MTMR14: variants seen among roughly 807,000 people sequenced by gnomAD.
The protein encoded by MTMR14 is myotubularin related protein 14, also known as phosphatidylinositol-3,5-bisphosphate 3-phosphatase MTMR14.
A neutral mutation model predicts 86.3 loss-of-function variants in MTMR14; 48 were observed. The ratio of observed to expected loss-of-function variants is 0.56; its 90% CI spans 0.44 to 0.71. The LOEUF (loss-of-function observed/expected upper bound fraction) is 0.71. MTMR14 is among the 30% of genes least tolerant of loss of function. The pLI, the probability that MTMR14 is intolerant of heterozygous loss-of-function variation, is 0.00. For synonymous variants in MTMR14, 366 were observed against 326.1 expected (o/e 1.12, Z -1.32); for missense variants, 780 against 834.6 (o/e 0.93, Z 0.81).
At position 9,684,884 on chromosome 3, in the gene MTMR14, C is replaced by T. The variant is rs2075887286; in HGVS notation, c.1051-4C>T. ...TCTGTCACATCTCCTGTGGTCTCTT[C>T]CAGGATGGGCTCATCCACACGTCCC... is the stretch of plus-strand genomic sequence containing the variant. On this transcript the variant is annotated splice_polypyrimidine_tract_variant and splice_region_variant and intron_variant, in intron 11 of 18. Coordinates refer to ENST00000296003, the MANE Select transcript of MTMR14 (RefSeq NM_001077525.3). 6.2e-7 allele frequency: 1 copy of T among 1,613,918 alleles called. No homozygotes were observed. The highest frequency in any genetic ancestry group is 8.5e-7 in the Non-Finnish European group (1 of 1,179,914).
intron 5 of MTMR14, among the ~76,000 whole-genome samples, chr3:9,669,932 G>C (rs1269832228): frequency 1.3e-5 from 2 of 152,178 alleles, no homozygotes; most frequent in Non-Finnish European, 2.9e-5. Flanking sequence ...GTCTAGCCTG[G>C]AAGGCACATT....
chr3:9,664,751 G>C (rs540165373), intron 3 of MTMR14, among the ~76,000 whole-genome samples: 31 of 152,150 alleles, frequency 2.0e-4, no homozygotes, highest in African/African-American at 6.5e-4. Flanking sequence ...CCAGAGACTA[G>C]GAAAGGGTTC....
intron 2 of MTMR14, among the ~76,000 whole-genome samples, chr3:9,655,082 G>A (rs1000915527): frequency 6.6e-6 from 1 of 152,138 alleles, no homozygotes; most frequent in Non-Finnish European, 1.5e-5. Flanking sequence ...CACTTACTAA[G>A]ATTATGGATT....
At chr3:9,690,630 GC>G (rs2076109528) in intron 17 of MTMR14, among the ~76,000 whole-genome samples, 1 of 152,352 alleles carries the variant, frequency 6.6e-6, no homozygotes, top group Middle Eastern at 3.4e-3. Flanking sequence ...AGCCAGGATG[GC>G]CATGCCAGGG....
rs1189927831 is a variant in MTMR14, at chr3:9,688,998, T to C, written c.1349T>C (p.Met450Thr). The C allele has an allele frequency of 1.2e-6, 2 of 1,613,858 alleles. No homozygotes were observed. Among genetic ancestry groups the C allele is most frequent in the Non-Finnish European group, 1.7e-6 (2 of 1,180,010 alleles). The change falls in exon 16 of 19, where the codon ATG (methionine) becomes ACG (threonine). Residue 450 changes from methionine (M) to threonine (T), a missense_variant. Coordinates refer to ENST00000296003, the MANE Select transcript of MTMR14 (RefSeq NM_001077525.3). ...CTTGGCAGCGACTTCTCCCTGGTCA[T>C]GGAGAGTTCCCCAGGAGCCACTGGG... ...TSLGSDFSLVMESSPGATGSF... is the reference protein window; with the variant it reads ...TSLGSDFSLVTESSPGATGSF...
At chr3:9,669,702 A>G (rs1247667933) in intron 5 of MTMR14, among the ~76,000 whole-genome samples, 2 of 152,184 alleles carry the variant, frequency 1.3e-5, no homozygotes, top group Non-Finnish European at 2.9e-5. Flanking sequence ...GTCTGTCCCC[A>G]TCTTGACTGC....
chr3:9,697,473 T>C (rs983202293), intron 17 of MTMR14, among the ~76,000 whole-genome samples: 20 of 152,208 alleles, frequency 1.3e-4, no homozygotes, highest in African/African-American at 4.6e-4. Flanking sequence ...TTTGTTCTCA[T>C]TTTTTGCTTC....
intron 1 of MTMR14, 130 bp downstream of exon 1, chr3:9,649,872 G>A (rs1024981044): frequency 3.3e-6 from 5 of 1,531,188 alleles, no homozygotes; most frequent in Admixed American, 2.0e-5. Flanking sequence ...AGAGAGAGAG[G>A]AGTTCTCCAG....
At chr3:9,655,078 C>G (rs992289541) in intron 2 of MTMR14, among the ~76,000 whole-genome samples, 1 of 152,120 alleles carries the variant, frequency 6.6e-6, no homozygotes, top group Non-Finnish European at 1.5e-5. Flanking sequence ...TAAGCACTTA[C>G]TAAGATTATG....
chr3:9,651,172 A>G (rs2047264670), intron 1 of MTMR14, among the ~76,000 whole-genome samples: 1 of 151,714 alleles, frequency 6.6e-6, no homozygotes, highest in Non-Finnish European at 1.5e-5. Flanking sequence ...TGCAACCATG[A>G]CTTACTGCAG....
chr3:9,695,846 G>C (rs2076267204), intron 17 of MTMR14, among the ~76,000 whole-genome samples: 1 of 152,230 alleles, frequency 6.6e-6, no homozygotes, highest in Non-Finnish European at 1.5e-5. Context: ...ATGCATCTCA[G>C]GGTTGTGCCG....
chr3:9,698,128 T>C (rs2076340603), intron 18 of MTMR14, among the ~76,000 whole-genome samples: 1 of 152,254 alleles, frequency 6.6e-6, no homozygotes, highest in African/African-American at 2.4e-5. Context: ...GCTGCTGGAC[T>C]GTAACTATAG....
chr3:9,656,055 T>C (rs1269940530), intron 2 of MTMR14, among the ~76,000 whole-genome samples: 1 of 151,588 alleles, frequency 6.6e-6, no homozygotes, highest in East Asian at 2.0e-4. Context: ...ATTAGCTGGG[T>C]GTGGTGGCGC....
At chr3:9,680,475 A>G (rs1004078194) in intron 9 of MTMR14, among the ~76,000 whole-genome samples, 2 of 152,220 alleles carry the variant, frequency 1.3e-5, no homozygotes, top group Admixed American at 6.5e-5. Context: ...TCCTCAGAAT[A>G]CAATGCAAGA....
intron 3 of MTMR14, among the ~76,000 whole-genome samples, chr3:9,662,759 T>C (rs2048013735): frequency 6.6e-6 from 1 of 152,262 alleles, no homozygotes; most frequent in South Asian, 2.1e-4. Context: ...CTTTCAATTA[T>C]ATAATTCACC....
At chr3:9,655,980 A>C (rs1046442275) in intron 2 of MTMR14, among the ~76,000 whole-genome samples, 7 of 151,822 alleles carry the variant, frequency 4.6e-5, no homozygotes, top group South Asian at 2.1e-4. Flanking sequence ...CAAGATCATG[A>C]GGTCAGGAGA....
intron 3 of MTMR14, among the ~76,000 whole-genome samples, chr3:9,663,501 CTTTTTTTTTTTT>C (rs4021721): frequency 2.9e-5 from 2 of 69,964 alleles, no homozygotes; most frequent in Non-Finnish European, 5.8e-5. Context: ...GAGTCTCTCT[CTTTTTTTTTTTT>C]TTTTTTTTTT....
intron 6 of MTMR14, 114 bp from the exon 7 acceptor site, chr3:9,672,571 A>G (rs1385818846): frequency 4.3e-6 from 4 of 921,818 alleles, no homozygotes; most frequent in African/African-American, 1.6e-5. Context: ...TTAACAATGA[A>G]GAATAGTTTT....
chr3:9,693,744 G>C (rs2076204337), intron 17 of MTMR14, among the ~76,000 whole-genome samples: 2 of 152,222 alleles, frequency 1.3e-5, no homozygotes, highest in South Asian at 4.1e-4. Context: ...TCAAGGATCA[G>C]CTGTGCTACT....
Sources: allele counts gnomAD v4.1 joint callset (sites outside exome capture counted in the v4.1 genomes callset), GRCh38; gene constraint gnomAD v4.1.1; transcripts MANE v1.5; gene names NCBI Gene and HGNC (gene_info 2026-07-23, HGNC 2026-07-21).